DDX19B: variants seen among roughly 807,000 people sequenced by gnomAD.
DDX19B encodes the protein ATP-dependent RNA helicase DDX19B.
In DDX19B, 27 loss-of-function variants were observed where a neutral mutation model predicts 58.1. The ratio of observed to expected loss-of-function variants is 0.46; its 90% CI spans 0.34 to 0.64. The LOEUF (loss-of-function observed/expected upper bound fraction) is 0.64, where lower values mean the gene tolerates loss of function less well. Among genes scored for constraint, DDX19B ranks in the 30% least tolerant of loss-of-function variants. DDX19B has a pLI of 0.01. For missense variants in DDX19B, 399 were observed against 596.5 expected, an observed-to-expected ratio of 0.67 and a Z score of 3.45; for synonymous variants, 187 against 214.4, an observed-to-expected ratio of 0.87 and a Z score of 1.12.
chr16:70,324,550 G>GT (rs1963040230), intron 5 of DDX19B, 35 bp from the exon 6 acceptor site: 1 of 1,583,424 alleles, frequency 6.3e-7, no homozygotes, highest in Non-Finnish European at 8.6e-7. Context: ...AAAAGGTTGA[G>GT]ATTTAAGCTC....
chr16:70,303,496 C>T (rs1215069650), intron 1 of DDX19B, among the ~76,000 whole-genome samples: 1 of 152,098 alleles, frequency 6.6e-6, no homozygotes, highest in African/African-American at 2.4e-5. Flanking sequence ...TGTCTTTTTT[C>T]AACAGTACTT....
At chr16:70,315,096 G>A (rs1962302406) in intron 3 of DDX19B, 141 bp downstream of exon 3, 1 of 823,026 alleles carries the variant, frequency 1.2e-6, no homozygotes, top group Non-Finnish European at 1.8e-6. Context: ...CAATATAGGG[G>A]CCGGGCACGG....
intron 2 of DDX19B, among the ~76,000 whole-genome samples, chr16:70,312,871 T>A (rs532450500): frequency 6.6e-6 from 1 of 152,174 alleles, no homozygotes; most frequent in Non-Finnish European, 1.5e-5. Flanking sequence ...AGAGACAGGG[T>A]CTTGCTCTGT....
intron 4 of DDX19B, among the ~76,000 whole-genome samples, chr16:70,316,691 T>C (rs557592172): frequency 1.3e-5 from 2 of 152,282 alleles, no homozygotes; most frequent in East Asian, 3.9e-4. Flanking sequence ...CTTTGGGATA[T>C]TTAGTAAAAT....
chr16:70,317,358 G>A (rs988326452), intron 4 of DDX19B, 138 bp from the exon 5 acceptor site: 4 of 577,880 alleles, frequency 6.9e-6, no homozygotes, highest in Non-Finnish European at 8.9e-6. Context: ...TGCAGCCTGG[G>A]CAATAGATCG....
At chr16:70,314,706 A>ATG (rs1015025875) in intron 2 of DDX19B, 196 bp from the exon 3 acceptor site, 35 of 480,714 alleles carry the variant, frequency 7.3e-5, no homozygotes, top group African/African-American at 7.1e-4. Flanking sequence ...CTATATATAT[A>ATG]TATATGTGAG....
At chr16:70,290,911 T>C (rs750904509), upstream of DDX19B, among the ~76,000 whole-genome samples, 1 of 152,206 alleles carries the variant, frequency 6.6e-6, no homozygotes, top group African/African-American at 2.4e-5. Flanking sequence ...ACCACTGCAC[T>C]ATTACCTCCA....
chr16:70,330,119 C>T (rs1963405529), intron 9 of DDX19B, 51 bp downstream of exon 9: 1 of 1,604,002 alleles, frequency 6.2e-7, no homozygotes, highest in African/African-American at 1.3e-5. Context: ...CAGCCAGCTC[C>T]CCACAGGGCT....
chr16:70,305,802 C>G (rs1445009352), intron 1 of DDX19B, among the ~76,000 whole-genome samples: 1 of 151,790 alleles, frequency 6.6e-6, no homozygotes, highest in African/African-American at 2.4e-5. Flanking sequence ...ACTCTGTCGC[C>G]CAGGCTGGAG....
At chr16:70,312,317 A>G (rs543203424) in intron 1 of DDX19B, among the ~76,000 whole-genome samples, 2 of 152,352 alleles carry the variant, frequency 1.3e-5, no homozygotes, top group African/African-American at 4.8e-5. Context: ...CTACAAAGAG[A>G]GAAAGTTTAT....
intron 3 of DDX19B, among the ~76,000 whole-genome samples, chr16:70,315,386 C>CAAA (rs750665674): frequency 1.8e-5 from 1 of 54,590 alleles, no homozygotes; most frequent in South Asian, 6.4e-4. Context: ...GACTCTGTCT[C>CAAA]AAAAAAAAAA....
At chr16:70,324,553 T>TAAAAATTCATTTATAG (rs1963040655) in intron 5 of DDX19B, 32 bp from the exon 6 acceptor site, 1 of 1,588,786 alleles carries the variant, frequency 6.3e-7, no homozygotes, top group Non-Finnish European at 8.6e-7. Flanking sequence ...AGGTTGAGAT[T>TAAAAATTCATTTATAG]TAAGCTCCTA....
intron 5 of DDX19B, among the ~76,000 whole-genome samples, chr16:70,321,311 G>C (rs952259436): frequency 1.3e-5 from 2 of 151,944 alleles, no homozygotes; most frequent in African/African-American, 4.8e-5. Context: ...GTGGAGATGG[G>C]GTCTTACTTT....
intron 1 of DDX19B, among the ~76,000 whole-genome samples, chr16:70,309,930 C>T (rs1002394660): frequency 1.3e-5 from 2 of 151,918 alleles, no homozygotes; most frequent in Admixed American, 6.6e-5. Context: ...CCCCTTTCGC[C>T]TGTTCTTGGA....
At chr16:70,331,405 C>T (rs1361893621) in intron 9 of DDX19B, among the ~76,000 whole-genome samples, 4 of 152,118 alleles carry the variant, frequency 2.6e-5, no homozygotes, top group African/African-American at 9.7e-5. Context: ...TTCCTAGATA[C>T]AAAAGTAACA....
At chr16:70,307,141 T>C (rs1480371144) in intron 1 of DDX19B, among the ~76,000 whole-genome samples, 1 of 152,210 alleles carries the variant, frequency 6.6e-6, no homozygotes, top group Admixed American at 6.6e-5. Flanking sequence ...ATTTGGATTA[T>C]TTCTACTTTT....
intron 5 of DDX19B, among the ~76,000 whole-genome samples, chr16:70,323,063 T>C (rs1330973270): frequency 6.6e-6 from 1 of 152,104 alleles, no homozygotes; most frequent in African/African-American, 2.4e-5. Flanking sequence ...TCCTCGTCCA[T>C]ATCTTTGGCC....
chr16:70,332,581 A>G (rs779037678), intron 10 of DDX19B, among the ~76,000 whole-genome samples: 10 of 152,104 alleles, frequency 6.6e-5, no homozygotes, highest in Admixed American at 2.0e-4. Context: ...GATTACCGGT[A>G]TGAGCCACCG....
chr16:70,291,653 A>G (rs1961063587), upstream of DDX19B, among the ~76,000 whole-genome samples: 1 of 152,030 alleles, frequency 6.6e-6, no homozygotes, highest in South Asian at 2.1e-4. Context: ...ACTAAAAAAT[A>G]CAAAAAAAGT....
Sources: allele counts gnomAD v4.1 joint callset (sites outside exome capture counted in the v4.1 genomes callset), GRCh38; gene constraint gnomAD v4.1.1; transcripts MANE v1.5; gene names NCBI Gene and HGNC (gene_info 2026-07-23, HGNC 2026-07-21).